Variants in MYT1 observed in about 807,000 individuals in gnomAD.
MYT1 encodes the protein myelin transcription factor 1.
A neutral mutation model predicts 123.0 loss-of-function variants in MYT1; 23 were observed. That is an observed-to-expected ratio of 0.19 (90% CI 0.13 to 0.26). The LOEUF is 0.26. Among genes scored for constraint, MYT1 ranks in the 10% least tolerant of loss-of-function variants. MYT1 has a pLI of 1.00. For missense variants in MYT1, 1,125 were observed against 1,472.5 expected (o/e 0.76, Z 3.86); for synonymous variants, 518 against 575.3 (o/e 0.90, Z 1.43).
At chr20:64,237,153 G>T in intron 20 of MYT1, 134 bp from the exon 21 acceptor site, 2 of 642,356 alleles carry the variant, frequency 3.1e-6, no homozygotes, top group Non-Finnish European at 5.4e-6. Flanking sequence ...AGAGAGAGAT[G>T]AGCTCGGAAA....
intron 7 of MYT1, 75 bp from the exon 8 acceptor site, chr20:64,211,131 C>T (rs1318069657): frequency 2.0e-6 from 3 of 1,513,530 alleles, no homozygotes; most frequent in Non-Finnish European, 2.7e-6. Flanking sequence ...AGAGAGGGTT[C>T]CTGAGCTACC....
chr20:64,215,992 C>T (rs1983828397), intron 10 of MYT1, among the ~76,000 whole-genome samples: 4 of 152,190 alleles, frequency 2.6e-5, no homozygotes, highest in Admixed American at 2.6e-4. Flanking sequence ...GGCTCCCACC[C>T]TTCCTGGAGA....
At chr20:64,221,507 C>T (rs1983999886) in intron 13 of MYT1, among the ~76,000 whole-genome samples, 1 of 152,238 alleles carries the variant, frequency 6.6e-6, no homozygotes, top group Non-Finnish European at 1.5e-5. Flanking sequence ...ATTTCGGTAA[C>T]ACTTATTTAG....
Position 64,207,959 on chromosome 20 carries a change from C to G in MYT1, c.763C>G (p.Leu255Val). ...SEESSKQKGI[L>V]SHEEEDEEEE... ...GGAGTCCAGCAAGCAGAAAGGCATC[C>G]TGAGTCACGAAGAGGAGGACGAGGA... Residue 255 changes from leucine (L) to valine (V), a missense_variant, in exon 7 of 23, where the codon CTG becomes GTG. Leu to Val is a conservative substitution (Grantham distance 32). Transcript: ENST00000328439. 1 of 1,606,996 alleles carries G rather than the reference C, an allele frequency of 6.2e-7. No homozygotes were observed. The highest frequency in any genetic ancestry group is 8.5e-7 in the Non-Finnish European group (1 of 1,177,636).
chr20:64,194,815 A>G (rs1332787982), intron 2 of MYT1, among the ~76,000 whole-genome samples: 1 of 152,168 alleles, frequency 6.6e-6, no homozygotes, highest in Non-Finnish European at 1.5e-5. Flanking sequence ...CAACCCTGAT[A>G]TCTTTGGAAG....
rs1048774551 is a variant in MYT1, at chr20:64,190,780, C to T, written c.-1+620C>T. On this transcript the variant is annotated intron_variant, in intron 2 of 22. Transcript: ENST00000328439. This position sits in a 1 kb window ranked among gnomAD's most constrained non-coding sequence, Gnocchi z 4.1. ...GGTCAAGAGTTCAAGACCAGCCTGG[C>T]CAACATGGTGAAACCCCGTCTTTAC... Among the ~76,000 whole-genome samples the T allele has an allele frequency of 9.3e-5, 14 of 150,424 alleles. No homozygotes were observed. Among genetic ancestry groups the T allele is most frequent in the African/African-American group, 3.2e-4 (13 of 40,696 alleles).
intron 19 of MYT1, among the ~76,000 whole-genome samples, chr20:64,235,191 G>A (rs1260363965): frequency 3.9e-5 from 4 of 102,222 alleles, no homozygotes; most frequent in Admixed American, 9.1e-5. Flanking sequence ...GGGGCTGGCC[G>A]TGGTATGTGA....
In MYT1 at chr20:64,223,344, A is replaced by C. The variant is rs1388598074; in HGVS notation, c.2513A>C (p.His838Pro). ...AGCCTCAGAAACCTCATGGCTGCCC[A>C]CTCTGCTGACCTCAAGTATGTTTGC... ...DKSLRNLMAA[H>P]SADLKCPTPG... Residue 838 changes from histidine (H) to proline (P), a missense_variant, in exon 16 of 23, where the codon CAC becomes CCC. His to Pro is a moderately conservative substitution (Grantham distance 77). Around this residue, in one of 4 missense-constraint regions of MYT1, gnomAD observed 47 missense variants for 113.1 expected, o/e 0.42. Coordinates refer to ENST00000328439, the MANE Select transcript of MYT1 (RefSeq NM_004535.3). The C allele has an allele frequency of 6.2e-7, 1 of 1,613,326 alleles. No individual in the cohort carries two copies. Among genetic ancestry groups the C allele is most frequent in the South Asian group, 1.1e-5 (1 of 91,030 alleles).
rs1983360204 is a variant in MYT1, at chr20:64,202,647, TG to T, written c.87-2384del. ...TCTTCAAAGGCTAGTAGCTGAAGCA[TG>T]GGGCTCCAGGCTGGGATTCAGTTCC... On this transcript the variant is annotated intron_variant, in intron 4 of 22. Transcript: ENST00000328439. This position sits in a 1 kb window ranked among gnomAD's most constrained non-coding sequence, Gnocchi z 5.0. Among the ~76,000 whole-genome samples, 1 of 152,150 alleles carries T rather than the reference TG, an allele frequency of 6.6e-6. No homozygotes were observed. The highest frequency in any genetic ancestry group is 2.4e-5 in the African/African-American group (1 of 41,436).
At chr20:64,214,196 T>C (rs931159411) in intron 10 of MYT1, among the ~76,000 whole-genome samples, 2 of 152,234 alleles carry the variant, frequency 1.3e-5, no homozygotes, top group African/African-American at 4.8e-5. Context: ...GAGATCACAG[T>C]AGGTGTGTGT....
chr20:64,240,017 C>T, intron 22 of MYT1, 114 bp downstream of exon 22: 1 of 1,455,556 alleles, frequency 6.9e-7, no homozygotes, highest in Non-Finnish European at 9.3e-7. Flanking sequence ...CCTAGGGGCC[C>T]TGTGCCCTTG....
Position 64,219,961 on chromosome 20 carries a change from G to C in MYT1, c.2220G>C (p.Leu740=). The part of the protein sequence containing the change: ...RPLDYTKPSR[L]REEEPEESEP... ...TGGACTACACCAAGCCTAGCCGCCT[G>C]AGAGAGGAGGAACCTGAGGAGGTGG... Residue 740 remains leucine, a synonymous_variant, in exon 13 of 23, where the codon CTG becomes CTC. Coordinates refer to ENST00000328439, the MANE Select transcript of MYT1 (RefSeq NM_004535.3). The C allele has an allele frequency of 4.0e-6, 6 of 1,512,988 alleles. No homozygotes were observed. The highest frequency in any genetic ancestry group is 5.3e-6 in the Non-Finnish European group (6 of 1,127,078). The allele number at this position is 1,512,988 out of a possible 1,614,324, so 93.7% of individuals were successfully genotyped here.
chr20:64,205,057 G>A lies in MYT1; in HGVS notation c.109G>A (p.Gly37Ser), dbSNP rs6090066. 13 of 1,614,054 alleles carry A rather than the reference G, an allele frequency of 8.1e-6. No individual in the cohort carries two copies. Among genetic ancestry groups the A allele is most frequent in the Non-Finnish European group, 1.0e-5 (12 of 1,180,026 alleles). The change falls in exon 5 of 23, where the codon GGC becomes AGC. Residue 37 changes from glycine (G) to serine (S), a missense_variant. By Grantham distance (56) the Gly-to-Ser change is moderately conservative. Around this residue, in one of 4 missense-constraint regions of MYT1, gnomAD observed 406 missense variants for 432.2 expected, o/e 0.94. Coordinates refer to ENST00000328439, the MANE Select transcript of MYT1 (RefSeq NM_004535.3). ...CAGCTGCCCCACCCCAGGATGCACA[G>A]GCTCAGGGCACGTCCGGGGCAAGTA... ...DLSCPTPGCT[G>S]SGHVRGKYSR...
chr20:64,205,157 A>G, intron 5 of MYT1, 60 bp downstream of exon 5: 1 of 1,573,348 alleles, frequency 6.4e-7, no homozygotes. Context: ...GCCCCTGCCC[A>G]CTCTGCAGAT....
At chr20:64,206,889 G>C (rs1983500287) in intron 6 of MYT1, among the ~76,000 whole-genome samples, 1 of 152,132 alleles carries the variant, frequency 6.6e-6, no homozygotes, top group East Asian at 1.9e-4. Context: ...CATGTGGTGA[G>C]CACCTACCAT....
In MYT1 at chr20:64,201,965, C is replaced by CT. The variant is rs200354831; in HGVS notation, c.86+2043_86+2044insT. Among the ~76,000 whole-genome samples the CT allele has an allele frequency of 3.2e-4, 41 of 129,942 alleles. No homozygotes were observed. The South Asian group carries it at 4.8e-3, about 15-fold the overall frequency. The allele number at this position is 129,942 out of a possible 152,430, so 85.2% of individuals were successfully genotyped here. On this transcript the variant is annotated intron_variant, in intron 4 of 22. Transcript: ENST00000328439. ...GGGAACCTCTGCGTGTCGGGAACCCCCGCGTGTCGGGAACCCCCGCGTGTC... is the reference window on the plus strand; with the variant it reads ...GGGAACCTCTGCGTGTCGGGAACCCCTCGCGTGTCGGGAACCCCCGCGTGTC...
chr20:64,222,679 A>G (rs1370887629), intron 14 of MYT1, among the ~76,000 whole-genome samples: 1 of 152,232 alleles, frequency 6.6e-6, no homozygotes, highest in Non-Finnish European at 1.5e-5. Context: ...ACATGTGCTC[A>G]GAGTACATTT....
chr20:64,222,924 A>G (rs1036828013), intron 14 of MYT1, among the ~76,000 whole-genome samples, 187 bp from the exon 15 acceptor site: 1 of 152,200 alleles, frequency 6.6e-6, no homozygotes, highest in Non-Finnish European at 1.5e-5. Flanking sequence ...TCTTGAGTTA[A>G]GTTGTGTGGG....
At chr20:64,229,618 G>T (rs1984265491) in intron 18 of MYT1, among the ~76,000 whole-genome samples, 1 of 152,086 alleles carries the variant, frequency 6.6e-6, no homozygotes, top group Non-Finnish European at 1.5e-5. Flanking sequence ...ACTTGTAATT[G>T]CCTAGCATAT....
Sources: gnomAD v4.1 joint callset for allele counts (sites outside exome capture counted in the v4.1 genomes callset) on GRCh38, gnomAD v4.1.1 for gene constraint, gnomAD v4.1.1 regional missense constraint, Gnocchi (gnomAD v3.1) non-coding constraint, MANE v1.5 for transcripts, NCBI Gene and HGNC (gene_info 2026-07-23, HGNC 2026-07-21) for gene names.